Variants in HIC1 observed in about 807,000 individuals in gnomAD.
The protein encoded by HIC1 is hypermethylated in cancer 1 protein.
HIC1 carries 9 observed loss-of-function variants against 26.4 expected under a neutral mutation model. The observed-to-expected ratio is 0.34, with a 90% CI of 0.21 to 0.59. The LOEUF is 0.59. HIC1 is among the 20% of genes least tolerant of loss of function. The pLI, the probability that HIC1 is intolerant of heterozygous loss-of-function variation, is 0.82. For missense variants in HIC1, 965 were observed against 1,075.7 expected (o/e 0.90, Z 1.44); for synonymous variants, 631 against 523.1 (o/e 1.21, Z -2.81).
rs764977494 is a variant in HIC1 at position 2,057,857 on chromosome 17, C to T, written c.1167C>T (p.Asp389=). ...SSSEETGSSE[D]PSPPGGHLEG... Reference sequence around the variant, plus strand: ...GCGAGGAGACCGGTAGCAGCGAGGACCCCAGCCCGCCTGGCGGCCACCTCG... The same window carrying T: ...GCGAGGAGACCGGTAGCAGCGAGGATCCCAGCCCGCCTGGCGGCCACCTCG... Residue 389 remains aspartate, a synonymous_variant, in exon 2 of 2, where the codon GAC becomes GAT. Coordinates refer to ENST00000619757, the MANE Select transcript of HIC1 (RefSeq NM_006497.4). The T allele has an allele frequency of 4.8e-5, 76 of 1,590,244 alleles. No individual in the cohort carries two copies. The highest frequency in any genetic ancestry group is 6.3e-5 in the Non-Finnish European group (74 of 1,169,608).
At position 2,057,919 on chromosome 17, in the gene HIC1, C is replaced by G. The variant is rs759114108; in HGVS notation, c.1229C>G (p.Pro410Arg). ...TGCCCGCACCTGGCCTATGGCGAGC[C>G]CGAGAGCTTCGGTGACAACCTGTAC... ...YPCPHLAYGE[P>R]ESFGDNLYVC... Residue 410 changes from proline to arginine, a missense_variant, in exon 2 of 2, where the codon CCC becomes CGC. Physicochemically the swap from Pro to Arg is moderately radical, Grantham distance 103 (BLOSUM62 -2). Transcript: ENST00000619757. 1 of 1,609,084 alleles carries G rather than the reference C, an allele frequency of 6.2e-7. No individual in the cohort carries two copies. The highest frequency in any genetic ancestry group is 1.7e-5 in the Admixed American group (1 of 59,618).
rs759790366 is a variant in HIC1, at chr17:2,058,394, C to T, written c.1704C>T (p.Gly568=). 11 of 1,610,678 alleles carry T rather than the reference C, an allele frequency of 6.8e-6. No individual in the cohort carries two copies. Among genetic ancestry groups the T allele is most frequent in the African/African-American group, 1.3e-5 (1 of 74,930 alleles). The change falls in exon 2 of 2, where the codon GGC becomes GGT. Residue 568 remains glycine, a synonymous_variant. Coordinates refer to ENST00000619757, the MANE Select transcript of HIC1 (RefSeq NM_006497.4). ...RLTEHMRIHS[G]EKPYECQVCG... ...CGGAGCACATGCGCATCCACTCGGG[C>T]GAGAAGCCCTACGAGTGCCAGGTGT...
At chr17:2,056,204 C>T in intron 1 of HIC1, 3 of 1,003,122 alleles carry the variant, frequency 3.0e-6, no homozygotes, top group South Asian at 2.6e-5. Flanking sequence ...CACCGCGCTC[C>T]CCTCCTCCGT....
rs2067660820 is a variant in HIC1 at position 2,055,248 on chromosome 17, C to T, written c.-21+10C>T. 6.6e-6 allele frequency: 1 copy of T among 152,014 alleles called. No homozygotes were observed. Among genetic ancestry groups the T allele is most frequent in the South Asian group, 2.1e-4 (1 of 4,828 alleles). 9.4% of individuals were successfully genotyped at this position (152,014 alleles called of 1,614,324 possible). A position where few individuals can be genotyped will look rare whatever the true frequency, so the allele number is the denominator to read the frequency against. ...TCGACATGCCCCCCAGGTGGGTCCT[C>T]GAGCCGGGGACCGGGAGGGACGGGG... On this transcript the variant is annotated intron_variant, in intron 1 of 1. Coordinates refer to ENST00000619757, the MANE Select transcript of HIC1 (RefSeq NM_006497.4). The surrounding 1 kb of genome is among the most constrained non-coding windows in gnomAD (Gnocchi z 6.4).
At position 2,055,557 on chromosome 17, in the gene HIC1, C is replaced by T. The variant is rs1164323644; in HGVS notation, c.-21+319C>T. Among the ~76,000 whole-genome samples, 2 of 148,288 alleles carry T rather than the reference C, an allele frequency of 1.3e-5. No individual in the cohort carries two copies. Among genetic ancestry groups the T allele is most frequent in the East Asian group, 2.2e-4 (1 of 4,632 alleles). ...CCTGGCACAGCTCGGGGCCTGGCAG[C>T]GGCGGGTGGGGCATCGGCTAAGAGC... On this transcript the variant is annotated intron_variant, in intron 1 of 1. Coordinates refer to ENST00000619757, the MANE Select transcript of HIC1 (RefSeq NM_006497.4). This position sits in a 1 kb window ranked among gnomAD's most constrained non-coding sequence, Gnocchi z 6.4.
At chr17:2,056,381 A>G (rs760278209) in intron 1 of HIC1, 1 of 1,604,412 alleles carries the variant, frequency 6.2e-7, no homozygotes, top group South Asian at 1.1e-5. Flanking sequence ...GCGCCTGAAC[A>G]GTTTTCTTCT....
rs897272085 is a variant in HIC1, at chr17:2,055,236, C to A, written c.-23C>A. 1.3e-5 allele frequency: 2 copies of A among 152,078 alleles called. No individual in the cohort carries two copies. Among genetic ancestry groups the A allele is most frequent in the Admixed American group, 6.5e-5 (1 of 15,276 alleles). 9.4% of individuals were successfully genotyped at this position (152,078 alleles called of 1,614,324 possible). On this transcript the variant is annotated splice_region_variant and 5_prime_UTR_variant, in exon 1 of 2. Transcript: ENST00000619757. This position sits in a 1 kb window ranked among gnomAD's most constrained non-coding sequence, Gnocchi z 6.4. ...GGCCCGGGGCTTTCGACATGCCCCC[C>A]AGGTGGGTCCTCGAGCCGGGGACCG...
chr17:2,059,037 G>C lies in HIC1; in HGVS notation c.*202G>C, dbSNP rs2067706655. ...GGTCGGGGGAGAACCCCGGGACGGG[G>C]GTGGGATGGGGTAAGGGAAATTTAT... On this transcript the variant is annotated 3_prime_UTR_variant, in exon 2 of 2. Coordinates refer to ENST00000619757, the MANE Select transcript of HIC1 (RefSeq NM_006497.4). 4.0e-6 allele frequency: 2 copies of C among 494,046 alleles called. No individual in the cohort carries two copies. The highest frequency in any genetic ancestry group is 7.2e-6 in the Non-Finnish European group (2 of 278,866). 30.6% of individuals were successfully genotyped at this position (494,046 alleles called of 1,614,324 possible). A position where few individuals can be genotyped will look rare whatever the true frequency, so the allele number is the denominator to read the frequency against.
In HIC1 at chr17:2,055,512, G is replaced by A. The variant is rs1430138402; in HGVS notation, c.-21+274G>A. 6.6e-6 allele frequency among the ~76,000 whole-genome samples: 1 copy of A among 151,888 alleles called. No homozygotes were observed. The highest frequency in any genetic ancestry group is 2.4e-5 in the African/African-American group (1 of 41,384). ...GGGAAGGGAAGGGGAGCTGGCGGGC[G>A]GGGCTGGCAGGGGCGCTGCCCTGGC... On this transcript the variant is annotated intron_variant, in intron 1 of 1. Transcript: ENST00000619757. This position sits in a 1 kb window ranked among gnomAD's most constrained non-coding sequence, Gnocchi z 6.4.
At position 2,058,703 on chromosome 17, in the gene HIC1, C is replaced by T. The variant is rs1006855822; in HGVS notation, c.2013C>T (p.Ser671=). 6.5e-7 allele frequency: 1 copy of T among 1,543,114 alleles called. No individual in the cohort carries two copies. The highest frequency in any genetic ancestry group is 8.7e-7 in the Non-Finnish European group (1 of 1,149,068). ...ACGACCCCAAGGTGGCGCTGGAGAGCCTCTACCCGCTGGCCAAGTTCACGG... is the reference window on the plus strand; with the variant it reads ...ACGACCCCAAGGTGGCGCTGGAGAGTCTCTACCCGCTGGCCAAGTTCACGG... The part of the protein sequence containing the change: ...FLHDPKVALE[S]LYPLAKFTAE... Residue 671 remains serine, a synonymous_variant, in exon 2 of 2, where the codon AGC becomes AGT. Transcript: ENST00000619757.
chr17:2,057,312 G>T lies in HIC1; in HGVS notation c.622G>T (p.Ala208Ser). Residue 208 changes from alanine (A) to serine (S), a missense_variant, in exon 2 of 2, where the codon GCC (alanine) becomes TCC (serine). Transcript: ENST00000619757. Reference protein sequence around the residue: ...ELYASGPGPAAALCASERRCS... With the variant: ...ELYASGPGPASALCASERRCS... ...GTACGCGTCGGGACCCGGCCCGGCC[G>T]CCGCACTCTGTGCCTCGGAGCGCCG... 6.7e-7 allele frequency: 1 copy of T among 1,501,900 alleles called. No individual in the cohort carries two copies. Among genetic ancestry groups the T allele is most frequent in the East Asian group, 2.8e-5 (1 of 35,588 alleles). 93.0% of individuals were successfully genotyped at this position (1,501,900 alleles called of 1,614,324 possible).
rs943923217 is a variant in HIC1 at position 2,060,388 on chromosome 17, C to T, written c.*1553C>T. On this transcript the variant is annotated 3_prime_UTR_variant, in exon 2 of 2. Coordinates refer to ENST00000619757, the MANE Select transcript of HIC1 (RefSeq NM_006497.4). ...GAAACCAGGTTAGGCGACGGTGCCC[C>T]AGCACTGGAATGCCTCAGGCTGGGC... 1 of 152,278 alleles carries T rather than the reference C, an allele frequency of 6.6e-6. No individual in the cohort carries two copies. Among genetic ancestry groups the T allele is most frequent in the Non-Finnish European group, 1.5e-5 (1 of 68,098 alleles). The allele number at this position is 152,278 out of a possible 1,614,324, so 9.4% of individuals were successfully genotyped here. A position where few individuals can be genotyped will look rare whatever the true frequency, so the allele number is the denominator to read the frequency against.
In HIC1 at chr17:2,058,237, A is replaced by T; in HGVS notation, c.1547A>T (p.Tyr516Phe). ...HEKTHWLTRPYPCTICGKKFT... is the reference protein window; with the variant it reads ...HEKTHWLTRPFPCTICGKKFT... ...AAGACGCACTGGCTGACCCGGCCCT[A>T]CCCATGCACCATCTGCGGGAAGAAG... Residue 516 changes from tyrosine to phenylalanine, a missense_variant, in exon 2 of 2, where the codon TAC (tyrosine) becomes TTC (phenylalanine). Tyr to Phe is a conservative substitution (Grantham distance 22, BLOSUM62 3). This residue lies in a region of HIC1 where 45 missense variants were observed against 119.9 expected (regional missense o/e 0.38). Coordinates refer to ENST00000619757, the MANE Select transcript of HIC1 (RefSeq NM_006497.4). 6.2e-7 allele frequency: 1 copy of T among 1,611,720 alleles called. No individual in the cohort carries two copies. The highest frequency in any genetic ancestry group is 8.5e-7 in the Non-Finnish European group (1 of 1,179,748).
Position 2,057,143 on chromosome 17 carries a change from C to T in HIC1, c.453C>T (p.Pro151=). The change falls in exon 2 of 2, where the codon CCC becomes CCT. Residue 151 remains proline (P), a synonymous_variant. Coordinates refer to ENST00000619757, the MANE Select transcript of HIC1 (RefSeq NM_006497.4). ...GCGGCGGCGGCGGCGGCTACGCGCC[C>T]TATGGTCGGCCGGGCCGGGGCCTGC... The part of the protein sequence containing the change: ...GGGGGGGGYA[P]YGRPGRGLRA... The T allele has an allele frequency of 7.6e-7, 1 of 1,316,054 alleles. No homozygotes were observed. The highest frequency in any genetic ancestry group is 1.6e-5 in the African/African-American group (1 of 64,482). The allele number at this position is 1,316,054 out of a possible 1,614,324, so 81.5% of individuals were successfully genotyped here.
rs1555528765 is a variant in HIC1, at chr17:2,061,466, G to GT, written c.*2631_*2632insT. The GT allele has an allele frequency of 1.6e-6, 2 of 1,236,438 alleles. No homozygotes were observed. Among genetic ancestry groups the GT allele is most frequent in the Non-Finnish European group, 2.1e-6 (2 of 935,810 alleles). 76.6% of individuals were successfully genotyped at this position (1,236,438 alleles called of 1,614,324 possible). Reference sequence around the variant, plus strand: ...GGTGGCCTTTCAGGAACGGTTCCACGGGGGGGGGGCCCCAGTGTGGCTCCC... The same window carrying GT: ...GGTGGCCTTTCAGGAACGGTTCCACGTGGGGGGGGGCCCCAGTGTGGCTCCC... On this transcript the variant is annotated 3_prime_UTR_variant, in exon 2 of 2. Transcript: ENST00000619757.
Position 2,057,293 on chromosome 17 carries a change from G to A in HIC1, c.603G>A (p.Ala201=), listed in dbSNP as rs1043045126. The A allele has an allele frequency of 3.4e-6, 5 of 1,490,228 alleles. No individual in the cohort carries two copies. The highest frequency in any genetic ancestry group is 2.9e-5 in the African/African-American group (2 of 69,082). The allele number at this position is 1,490,228 out of a possible 1,614,324, so 92.3% of individuals were successfully genotyped here. Residue 201 remains alanine, a synonymous_variant, in exon 2 of 2, where the codon GCG becomes GCA. Coordinates refer to ENST00000619757, the MANE Select transcript of HIC1 (RefSeq NM_006497.4). ...ACACGCACTGCGCCGAGCTGTACGC[G>A]TCGGGACCCGGCCCGGCCGCCGCAC... is the stretch of plus-strand genomic sequence containing the variant. ...AVNTHCAELY[A]SGPGPAAALC...
In HIC1 at chr17:2,061,457, C is replaced by A. The variant is rs77194529; in HGVS notation, c.*2622C>A. On this transcript the variant is annotated 3_prime_UTR_variant, in exon 2 of 2. Transcript: ENST00000619757. ...TGGGCGCCTGGTGGCCTTTCAGGAACGGTTCCACGGGGGGGGGGCCCCAGT... is the reference window on the plus strand; with the variant it reads ...TGGGCGCCTGGTGGCCTTTCAGGAAAGGTTCCACGGGGGGGGGGCCCCAGT... 1 of 1,465,946 alleles carries A rather than the reference C, an allele frequency of 6.8e-7. No homozygotes were observed. The highest frequency in any genetic ancestry group is 2.2e-5 in the Admixed American group (1 of 45,006). The allele number at this position is 1,465,946 out of a possible 1,614,324, so 90.8% of individuals were successfully genotyped here. A position where few individuals can be genotyped will look rare whatever the true frequency, so the allele number is the denominator to read the frequency against.
At position 2,055,945 on chromosome 17, in the gene HIC1, G is replaced by T. The variant is rs1238560402; in HGVS notation, c.-21+707G>T. On this transcript the variant is annotated intron_variant, in intron 1 of 1. Coordinates refer to ENST00000619757, the MANE Select transcript of HIC1 (RefSeq NM_006497.4). This position sits in a 1 kb window ranked among gnomAD's most constrained non-coding sequence, Gnocchi z 6.4. ...TGGGGCGCAGGCCCGGGTCAGGGCC[G>T]CAGCCGGCTGTGCGCCGTGCCCGCC... Among the ~76,000 whole-genome samples, 2 of 149,976 alleles carry T rather than the reference G, an allele frequency of 1.3e-5. No individual in the cohort carries two copies. The highest frequency in any genetic ancestry group is 2.0e-4 in the East Asian group (1 of 5,096).
In HIC1 at chr17:2,057,418, G is replaced by T; in HGVS notation, c.728G>T (p.Arg243Leu). 2 of 1,435,750 alleles carry T rather than the reference G, an allele frequency of 1.4e-6. No homozygotes were observed. The highest frequency in any genetic ancestry group is 2.9e-5 in the Admixed American group (1 of 34,190). 88.9% of individuals were successfully genotyped at this position (1,435,750 alleles called of 1,614,324 possible). A position where few individuals can be genotyped will look rare whatever the true frequency, so the allele number is the denominator to read the frequency against. ...SAAPERPLAE[R>L]ELPPRPDSPP... ...GCGCCAGAGCGGCCGCTGGCTGAGCGCGAGCTGCCCCCGCGCCCGGACAGC... is the reference window on the plus strand; with the variant it reads ...GCGCCAGAGCGGCCGCTGGCTGAGCTCGAGCTGCCCCCGCGCCCGGACAGC... Residue 243 changes from arginine to leucine, a missense_variant, in exon 2 of 2, where the codon CGC becomes CTC. Physicochemically the swap from Arg to Leu is moderately radical, Grantham distance 102. Around this residue, in one of 6 missense-constraint regions of HIC1, gnomAD observed 526 missense variants for 525.0 expected, o/e 1.00. Transcript: ENST00000619757.
Sources: allele counts gnomAD v4.1 joint callset (sites outside exome capture counted in the v4.1 genomes callset), GRCh38; gene constraint gnomAD v4.1.1; regional missense constraint gnomAD v4.1.1; non-coding constraint Gnocchi (gnomAD v3.1); transcripts MANE v1.5; gene names NCBI Gene and HGNC (gene_info 2026-07-23, HGNC 2026-07-21).